Variants in BMPR1A observed in about 807,000 individuals in gnomAD.
BMPR1A encodes bone morphogenetic protein receptor type-1A.
BMPR1A carries 7 observed loss-of-function variants against 66.0 expected under a neutral mutation model. The ratio of observed to expected loss-of-function variants is 0.11; its 90% CI spans 0.06 to 0.20. BMPR1A has a LOEUF of 0.20. BMPR1A is among the 10% of genes least tolerant of loss of function. BMPR1A has a pLI of 1.00. For missense variants in BMPR1A, 408 were observed against 669.1 expected (o/e 0.61, Z 4.31); for synonymous variants, 200 against 229.7 (o/e 0.87, Z 1.17).
chr10:86,779,895 C>G (rs1458705864), intron 1 of BMPR1A, among the ~76,000 whole-genome samples: 2 of 152,154 alleles, frequency 1.3e-5, no homozygotes, highest in East Asian at 1.9e-4. Flanking sequence ...AGCCACCATG[C>G]TCTGCCCTTC....
intron 2 of BMPR1A, among the ~76,000 whole-genome samples, chr10:86,865,213 A>T (rs76313243): frequency 4.9e-5 from 7 of 142,194 alleles, no homozygotes; most frequent in African/African-American, 1.1e-4. Context: ...TGGCCGGTCC[A>T]TGCCTTAACT....
chr10:86,916,807 G>A (rs943227612), intron 8 of BMPR1A, among the ~76,000 whole-genome samples: 5 of 152,000 alleles, frequency 3.3e-5, no homozygotes, highest in African/African-American at 7.2e-5. Context: ...CCTGGTCAAC[G>A]TGGCTAAACC....
At chr10:86,812,941 A>G (rs564016983) in intron 1 of BMPR1A, among the ~76,000 whole-genome samples, 1 of 152,200 alleles carries the variant, frequency 6.6e-6, no homozygotes, top group African/African-American at 2.4e-5. Flanking sequence ...TCACTGCCCT[A>G]TAAATCCTCT....
intron 7 of BMPR1A, among the ~76,000 whole-genome samples, chr10:86,900,564 TA>T (rs1423448184): frequency 6.6e-6 from 1 of 151,980 alleles, no homozygotes; most frequent in Non-Finnish European, 1.5e-5. Flanking sequence ...ACTTTAATAA[TA>T]AAACATCATA....
chr10:86,806,630 C>T (rs1223019852), intron 1 of BMPR1A, among the ~76,000 whole-genome samples: 1 of 152,142 alleles, frequency 6.6e-6, no homozygotes, highest in Non-Finnish European at 1.5e-5. Flanking sequence ...CAGCTCTCTA[C>T]AGCCTTCACC....
Position 86,866,405 on chromosome 10 carries a change from T to TTTTTTCTTTTC in BMPR1A, c.-152-9457_-152-9456insCTTTTCTTTTT, listed in dbSNP as rs1221941812. 7.6e-5 allele frequency among the ~76,000 whole-genome samples: 8 copies of TTTTTTCTTTTC among 105,570 alleles called. No individual in the cohort carries two copies. In the South Asian group the frequency reaches 2.7e-3, roughly 36 times the overall value. The allele number at this position is 105,570 out of a possible 152,430, so 69.3% of individuals were successfully genotyped here. On this transcript the variant is annotated intron_variant, in intron 2 of 12. Coordinates refer to ENST00000372037, the MANE Select transcript of BMPR1A (RefSeq NM_004329.3). Reference sequence around the variant, plus strand: ...AAGTTGGGCAAGTTTCTTTCTTTTTTTTTTTTTTTTTTTTTTTTTTTGAGA... The same window carrying TTTTTTCTTTTC: ...AAGTTGGGCAAGTTTCTTTCTTTTTTTTTTTCTTTTCTTTTTTTTTTTTTTTTTTTTTGAGA...
At chr10:86,854,548 C>A (rs1407547976) in intron 2 of BMPR1A, 1 of 154,656 alleles carries the variant, frequency 6.5e-6, no homozygotes, top group Non-Finnish European at 1.4e-5. Context: ...GAAATCTTCA[C>A]AATCCATGTT....
intron 2 of BMPR1A, among the ~76,000 whole-genome samples, chr10:86,840,936 T>C (rs1187707180): frequency 6.6e-6 from 1 of 152,214 alleles, no homozygotes; most frequent in East Asian, 1.9e-4. Flanking sequence ...ACTGAAAATA[T>C]TGCAGGGATC....
intron 1 of BMPR1A, among the ~76,000 whole-genome samples, chr10:86,760,277 A>G (rs180821333): frequency 3.7e-4 from 36 of 97,304 alleles, no homozygotes; most frequent in Non-Finnish European, 6.1e-4. Context: ...TTTTTGATAC[A>G]GAGTCTCGCA....
intron 1 of BMPR1A, among the ~76,000 whole-genome samples, chr10:86,799,903 A>T (rs1039376943): frequency 6.6e-6 from 1 of 152,152 alleles, no homozygotes; most frequent in Non-Finnish European, 1.5e-5. Context: ...TAAAAGAGAG[A>T]TGTTTAATGG....
upstream of BMPR1A, chr10:86,756,539 G>A (rs1321249500): frequency 6.7e-6 from 1 of 149,666 alleles, no homozygotes; most frequent in Non-Finnish European, 1.5e-5. Context: ...CCTTCCCAGT[G>A]CGCGCGCGCC....
chr10:86,919,624 A>G (rs193255297), intron 10 of BMPR1A, among the ~76,000 whole-genome samples, 155 bp downstream of exon 10: 3 of 152,234 alleles, frequency 2.0e-5, no homozygotes, highest in Admixed American at 1.3e-4. Context: ...TCTTTTTACA[A>G]AAATTGTGTC....
At chr10:86,871,933 CAAGTG>C (rs995252169) in intron 2 of BMPR1A, among the ~76,000 whole-genome samples, 8 of 152,154 alleles carry the variant, frequency 5.3e-5, no homozygotes, top group Non-Finnish European at 5.9e-5. Context: ...GGTTGTATCT[CAAGTG>C]GAGTGGTTGC....
intron 2 of BMPR1A, among the ~76,000 whole-genome samples, chr10:86,865,105 T>G (rs975725870): frequency 3.3e-5 from 5 of 152,224 alleles, no homozygotes; most frequent in Admixed American, 1.3e-4. Flanking sequence ...CTTGCACATA[T>G]ACGCCCAGAT....
intron 1 of BMPR1A, among the ~76,000 whole-genome samples, chr10:86,790,808 C>T (rs1268807808): frequency 6.6e-6 from 1 of 152,114 alleles, no homozygotes; most frequent in South Asian, 2.1e-4. Context: ...GGTTGCACAA[C>T]TTTGTGAATA....
At chr10:86,809,336 C>T (rs980244794) in intron 1 of BMPR1A, among the ~76,000 whole-genome samples, 30 of 151,680 alleles carry the variant, frequency 2.0e-4, no homozygotes, top group Non-Finnish European at 3.8e-4. Flanking sequence ...GTCACCCAGG[C>T]TGGAGTGCAG....
At chr10:86,834,671 G>A (rs755548502) in intron 1 of BMPR1A, among the ~76,000 whole-genome samples, 2 of 152,108 alleles carry the variant, frequency 1.3e-5, no homozygotes, top group Non-Finnish European at 2.9e-5. Context: ...GTGGTTACAT[G>A]TTTATTATAG....
intron 3 of BMPR1A, among the ~76,000 whole-genome samples, chr10:86,888,266 C>T (rs1454542542): frequency 6.6e-6 from 1 of 151,524 alleles, no homozygotes; most frequent in East Asian, 1.9e-4. Context: ...GAGTTTGAGA[C>T]CAGCCTGGCC....
At chr10:86,885,654 T>G (rs1564713395) in intron 3 of BMPR1A, among the ~76,000 whole-genome samples, 2 of 152,234 alleles carry the variant, frequency 1.3e-5, no homozygotes, top group South Asian at 4.1e-4. Context: ...TGCTGATGTC[T>G]TCCTGGTTTC....
Sources: allele counts gnomAD v4.1 joint callset (sites outside exome capture counted in the v4.1 genomes callset), GRCh38; gene constraint gnomAD v4.1.1; transcripts MANE v1.5; gene names NCBI Gene and HGNC (gene_info 2026-07-23, HGNC 2026-07-21).